ADAMTSL1: variants seen among roughly 807,000 people sequenced by gnomAD.
The protein encoded by ADAMTSL1 is ADAMTS-like protein 1.
A neutral mutation model predicts 201.8 loss-of-function variants in ADAMTSL1; 126 were observed. That is an observed-to-expected ratio of 0.62 (90% CI 0.54 to 0.72). The LOEUF (loss-of-function observed/expected upper bound fraction) is 0.72. Among genes scored for constraint, ADAMTSL1 ranks in the 30% least tolerant of loss-of-function variants. The probability of loss-of-function intolerance (pLI) is 0.00; values close to 1 mark genes in which losing one functional copy is unlikely to be tolerated. For missense variants in ADAMTSL1, 2,679 were observed against 2,277.8 expected (o/e 1.18, Z -3.59); for synonymous variants, 1,121 against 903.4 (o/e 1.24, Z -4.32).
At chr9:18,243,933 T>C (rs1435389341) in intron 2 of ADAMTSL1, among the ~76,000 whole-genome samples, 1 of 151,768 alleles carries the variant, frequency 6.6e-6, no homozygotes, top group Non-Finnish European at 1.5e-5. Context: ...TGGTCATGAA[T>C]GCTTAGTGCA....
At chr9:18,609,191 T>C (rs1825219589) in intron 4 of ADAMTSL1, among the ~76,000 whole-genome samples, 1 of 152,190 alleles carries the variant, frequency 6.6e-6, no homozygotes. Flanking sequence ...TTGAAAGTGG[T>C]TCCTGAATTA....
At chr9:18,315,446 G>A (rs1396159836) in intron 2 of ADAMTSL1, among the ~76,000 whole-genome samples, 1 of 152,046 alleles carries the variant, frequency 6.6e-6, no homozygotes, top group Non-Finnish European at 1.5e-5. Flanking sequence ...GAGGAGGGGG[G>A]TGGTTCGGGC....
chr9:18,078,208 G>A (rs2131760241), intron 1 of ADAMTSL1, among the ~76,000 whole-genome samples: 1 of 152,242 alleles, frequency 6.6e-6, no homozygotes, highest in South Asian at 2.1e-4. Flanking sequence ...TCATGAGATA[G>A]AATAAAAATA....
rs187183897 is a variant in ADAMTSL1 at position 18,411,255 on chromosome 9, G to T, written c.208-93574G>T. ...TCTGTTGCCCAGGTTGGAGTGCAAT[G>T]GTGCAATCTCGACTCACTGCAGCAT... On this transcript the variant is annotated intron_variant, in intron 2 of 29. Transcript: ENST00000680146. Among the ~76,000 whole-genome samples the T allele has an allele frequency of 1.5e-3, 232 of 151,476 alleles. 1 individual carries two copies. The highest frequency in any genetic ancestry group is 5.5e-3 in the African/African-American group (225 of 41,232).
intron 1 of ADAMTSL1, among the ~76,000 whole-genome samples, chr9:17,975,479 G>A (rs113418390): frequency 6.6e-6 from 1 of 151,928 alleles, no homozygotes; most frequent in East Asian, 1.9e-4. Flanking sequence ...CACTCATCAA[G>A]AGCACTAATA....
chr9:18,442,093 G>A (rs1054072273), intron 2 of ADAMTSL1, among the ~76,000 whole-genome samples: 2 of 152,118 alleles, frequency 1.3e-5, no homozygotes, highest in African/African-American at 4.8e-5. Flanking sequence ...TGTATTAAAA[G>A]TTTCCTGTCC....
At chr9:18,043,280 T>C (rs1452107625) in intron 1 of ADAMTSL1, among the ~76,000 whole-genome samples, 1 of 152,082 alleles carries the variant, frequency 6.6e-6, no homozygotes, top group Non-Finnish European at 1.5e-5. Context: ...TAGGCCAGAA[T>C]ACTCCCAAGC....
chr9:17,908,448 G>A (rs1157521603), intron 1 of ADAMTSL1, among the ~76,000 whole-genome samples: 4 of 151,842 alleles, frequency 2.6e-5, no homozygotes, highest in Non-Finnish European at 5.9e-5. Flanking sequence ...AAAATGACCT[G>A]CCTTAATGTG....
chr9:18,356,826 A>G (rs1239902306), intron 2 of ADAMTSL1, among the ~76,000 whole-genome samples: 1 of 152,214 alleles, frequency 6.6e-6, no homozygotes, highest in Admixed American at 6.5e-5. Flanking sequence ...AGAAAGTGCT[A>G]TTGTCCATTA....
intron 2 of ADAMTSL1, among the ~76,000 whole-genome samples, chr9:18,387,569 A>C (rs1837855823): frequency 6.6e-6 from 1 of 152,158 alleles, no homozygotes; most frequent in Admixed American, 6.6e-5. Context: ...ATATAACACC[A>C]CTTGCTTTTT....
At chr9:18,183,998 A>G (rs1008514464) in intron 2 of ADAMTSL1, among the ~76,000 whole-genome samples, 1 of 152,204 alleles carries the variant, frequency 6.6e-6, no homozygotes, top group African/African-American at 2.4e-5. Flanking sequence ...TGGTCATAGA[A>G]TAAACTCACC....
chr9:18,838,360 TACACACACACACACAC>T (rs775337751), intron 23 of ADAMTSL1, among the ~76,000 whole-genome samples: 6 of 86,694 alleles, frequency 6.9e-5, no homozygotes, highest in African/African-American at 2.7e-4. Flanking sequence ...CAAACCATAT[TACACACACACACACAC>T]ACACACACAC....
intron 3 of ADAMTSL1, among the ~76,000 whole-genome samples, chr9:18,547,016 G>C (rs1305414749): frequency 2.7e-4 from 41 of 152,096 alleles, no homozygotes. Context: ...TGTCTATTCT[G>C]TACAATTCTA....
intron 4 of ADAMTSL1, among the ~76,000 whole-genome samples, chr9:18,578,437 T>A (rs1446565039): frequency 2.6e-5 from 4 of 152,086 alleles, no homozygotes; most frequent in Non-Finnish European, 5.9e-5. Flanking sequence ...CTAGACTAGA[T>A]GAAGTTAGAG....
intron 2 of ADAMTSL1, among the ~76,000 whole-genome samples, chr9:18,318,171 A>G (rs935438548): frequency 7.2e-5 from 11 of 152,192 alleles, no homozygotes; most frequent in Non-Finnish European, 1.2e-4. Context: ...TTTTTATGTT[A>G]TGCTAATTTG....
intron 6 of ADAMTSL1, among the ~76,000 whole-genome samples, chr9:18,637,317 C>T (rs1461821142): frequency 1.3e-5 from 2 of 152,070 alleles, no homozygotes; most frequent in African/African-American, 2.4e-5. Context: ...GGCTAACTGT[C>T]CACTAACTCT....
chr9:18,410,842 TCTTC>T (rs1391004552), intron 2 of ADAMTSL1, among the ~76,000 whole-genome samples: 3 of 115,870 alleles, frequency 2.6e-5, no homozygotes, highest in African/African-American at 1.0e-4. Flanking sequence ...TCTGTCTTCT[TCTTC>T]TTTTTTTTTT....
At chr9:18,173,140 G>A (rs1290764836) in intron 2 of ADAMTSL1, among the ~76,000 whole-genome samples, 1 of 152,056 alleles carries the variant, frequency 6.6e-6, no homozygotes. Flanking sequence ...ATTTCAGTGT[G>A]CTTTAATGAC....
At chr9:18,496,671 G>A (rs191879358) in intron 1 of ADAMTSL1, among the ~76,000 whole-genome samples, 10 of 152,236 alleles carry the variant, frequency 6.6e-5, no homozygotes, top group African/African-American at 1.2e-4. Context: ...ATCTATTAAC[G>A]TTCCAGTTTC....
Sources: gnomAD v4.1 joint callset for allele counts (sites outside exome capture counted in the v4.1 genomes callset) on GRCh38, gnomAD v4.1.1 for gene constraint, MANE v1.5 for transcripts, NCBI Gene and HGNC (gene_info 2026-07-23, HGNC 2026-07-21) for gene names.